Variants in SLC68A1 observed in about 807,000 individuals in gnomAD.
SLC68A1 encodes solute carrier family 68 member 1.
the SLC68A1 span, among the ~76,000 whole-genome samples, chr10:102,468,016 A>T: frequency 7.1e-6 from 1 of 140,374 alleles, no homozygotes; most frequent in African/African-American, 2.6e-5. Context: ...GGTCTTGGGA[A>T]ATGCAACATT....
At chr10:102,472,905 C>G in the SLC68A1 span, 3 of 1,614,192 alleles carry the variant, frequency 1.9e-6, no homozygotes, top group African/African-American at 4.0e-5. Context: ...CCTGGAGCAT[C>G]TGTTGTCCGA....
the SLC68A1 span, among the ~76,000 whole-genome samples, chr10:102,475,483 C>A: frequency 1.3e-3 from 198 of 152,034 alleles, 1 homozygote; most frequent in African/African-American, 4.5e-3. Flanking sequence ...GGAGTGATGG[C>A]GTGAAACCAA....
chr10:102,475,807 G>A, the SLC68A1 span: 2 of 1,614,066 alleles, frequency 1.2e-6, no homozygotes, highest in Non-Finnish European at 1.7e-6. Context: ...CCCCTGCACA[G>A]GCCCCGACGC....
At chr10:102,476,011 G>C in the SLC68A1 span, 1 of 1,446,772 alleles carries the variant, frequency 6.9e-7, no homozygotes, top group South Asian at 1.4e-5. Context: ...ACCCCACTGA[G>C]GATGCTGCTG....
At chr10:102,469,665 A>G in the SLC68A1 span, among the ~76,000 whole-genome samples, 1 of 150,908 alleles carries the variant, frequency 6.6e-6, no homozygotes, top group Non-Finnish European at 1.5e-5. Flanking sequence ...TCCTGTCTCA[A>G]CCTCATGAGT....
chr10:102,476,690 G>A, the SLC68A1 span: 12 of 986,276 alleles, frequency 1.2e-5, no homozygotes, highest in Non-Finnish European at 1.4e-5. Context: ...TCTCTTGTAA[G>A]GCAGGAGGAC....
At chr10:102,463,793 G>C in the SLC68A1 span, among the ~76,000 whole-genome samples, 1 of 152,150 alleles carries the variant, frequency 6.6e-6, no homozygotes, top group Non-Finnish European at 1.5e-5. Flanking sequence ...GCTGTAAGGG[G>C]TCTGATGATG....
chr10:102,471,333 G>C, the SLC68A1 span: 2 of 1,613,950 alleles, frequency 1.2e-6, no homozygotes, highest in Non-Finnish European at 8.5e-7. Context: ...CCTTGGGCCG[G>C]TATCTCCGGC....
chr10:102,469,132 C>T, the SLC68A1 span: 6 of 1,614,042 alleles, frequency 3.7e-6, no homozygotes, highest in African/African-American at 1.3e-5. Context: ...TGTCTTCCTG[C>T]TCTACTATGT....
At chr10:102,471,035 CT>C in the SLC68A1 span, 1 of 1,613,706 alleles carries the variant, frequency 6.2e-7, no homozygotes, top group Non-Finnish European at 8.5e-7. Context: ...GCTGGGCTTT[CT>C]GGGGGCCACA....
At chr10:102,473,059 C>A in the SLC68A1 span, 2 of 878,556 alleles carry the variant, frequency 2.3e-6, no homozygotes, top group East Asian at 2.5e-5. Flanking sequence ...ATTTCCCGAC[C>A]CAGTGATCCA....
chr10:102,471,270 T>C, the SLC68A1 span: 2 of 1,613,544 alleles, frequency 1.2e-6, no homozygotes, highest in South Asian at 1.1e-5. Flanking sequence ...TTCTGCCCCA[T>C]AGCCTGTGTG....
the SLC68A1 span, among the ~76,000 whole-genome samples, chr10:102,464,945 C>T: frequency 6.6e-6 from 1 of 151,830 alleles, no homozygotes; most frequent in Non-Finnish European, 1.5e-5. Flanking sequence ...ATGGTGAAAC[C>T]CCAGTTCTAT....
the SLC68A1 span, chr10:102,473,826 G>A: frequency 2.4e-5 from 38 of 1,610,246 alleles, no homozygotes; most frequent in Non-Finnish European, 2.7e-5. Context: ...CAGCAACCGC[G>A]TCTTCACTGA....
At chr10:102,469,910 G>C in the SLC68A1 span, 2 of 1,526,974 alleles carry the variant, frequency 1.3e-6, no homozygotes, top group Non-Finnish European at 1.8e-6. Flanking sequence ...CATCTTTCAG[G>C]GGTGGTGAGC....
chr10:102,473,230 T>G, the SLC68A1 span, among the ~76,000 whole-genome samples: 1 of 152,038 alleles, frequency 6.6e-6, no homozygotes, highest in African/African-American at 2.4e-5. Context: ...GTGTGGGTCC[T>G]CTTGGAGATG....
the SLC68A1 span, chr10:102,469,876 G>C: frequency 5.5e-6 from 8 of 1,461,514 alleles, no homozygotes; most frequent in Admixed American, 2.4e-5. Flanking sequence ...ACCAGCAAAG[G>C]TTTGCAGGTA....
At chr10:102,472,241 T>C in the SLC68A1 span, 36 of 293,146 alleles carry the variant, frequency 1.2e-4, no homozygotes, top group Admixed American at 2.0e-4. Context: ...ACTGTTTTCA[T>C]GTTATGAAAT....
the SLC68A1 span, chr10:102,476,028 T>C: frequency 1.6e-6 from 2 of 1,289,518 alleles, no homozygotes; most frequent in Admixed American, 3.2e-5. Flanking sequence ...GCTGGCAGCC[T>C]GGGGAAGGAG....
Sources: allele counts gnomAD v4.1 joint callset (sites outside exome capture counted in the v4.1 genomes callset), GRCh38; gene constraint gnomAD v4.1.1; transcripts MANE v1.5; gene names NCBI Gene and HGNC (gene_info 2026-07-23, HGNC 2026-07-21).